Variants in ITGAL observed in about 807,000 individuals in gnomAD.
The protein encoded by ITGAL is integrin subunit alpha L, also known as integrin alpha-L.
In ITGAL, 68 loss-of-function variants were observed where a neutral mutation model predicts 138.4. The observed-to-expected ratio is 0.49, with a 90% CI of 0.40 to 0.60. ITGAL has a LOEUF of 0.60. ITGAL is among the 20% of genes least tolerant of loss of function. The pLI is 0.00. For missense variants in ITGAL, 1,256 were observed against 1,478.6 expected (o/e 0.85, Z 2.47); for synonymous variants, 561 against 584.3 (o/e 0.96, Z 0.57).
At chr16:30,495,488 C>T (rs1394048124) in intron 13 of ITGAL, among the ~76,000 whole-genome samples, 1 of 152,060 alleles carries the variant, frequency 6.6e-6, no homozygotes, top group African/African-American at 2.4e-5. Context: ...TAGATATGAC[C>T]TCCCTTTCCT....
intron 15 of ITGAL, 85 bp from the exon 16 acceptor site, chr16:30,498,989 T>C (rs988217873): frequency 2.0e-5 from 27 of 1,321,986 alleles, no homozygotes; most frequent in Non-Finnish European, 2.9e-5. Context: ...GAGAGTTCTC[T>C]GGCTTTGCTG....
At chr16:30,476,849 G>A (rs749126863) in intron 4 of ITGAL, among the ~76,000 whole-genome samples, 1 of 152,134 alleles carries the variant, frequency 6.6e-6, no homozygotes, top group Non-Finnish European at 1.5e-5. Context: ...GGCCAGGCTG[G>A]TCTCGTACTC....
intron 26 of ITGAL, among the ~76,000 whole-genome samples, 183 bp from the exon 27 acceptor site, chr16:30,517,466 A>G (rs2051183711): frequency 6.6e-6 from 1 of 151,532 alleles, no homozygotes; most frequent in African/African-American, 2.4e-5. Context: ...TCTAACAAAG[A>G]AAAAAAAATC....
intron 6 of ITGAL, among the ~76,000 whole-genome samples, chr16:30,480,327 T>C (rs1177316812): frequency 6.6e-6 from 1 of 152,184 alleles, no homozygotes; most frequent in African/African-American, 2.4e-5. Flanking sequence ...TTAGACCACA[T>C]AGACCTATGG....
rs376863030 is a variant in ITGAL at position 30,478,259 on chromosome 16, G to A, written c.328-832G>A. Reference sequence around the variant, plus strand: ...TGAGGCAGGAGAATCACTTGAACCCGGGAAGCAGAGGTTGCAGTGAGCCAA... The same window carrying A: ...TGAGGCAGGAGAATCACTTGAACCCAGGAAGCAGAGGTTGCAGTGAGCCAA... On this transcript the variant is annotated intron_variant, in intron 4 of 30. Coordinates refer to ENST00000356798, the MANE Select transcript of ITGAL (RefSeq NM_002209.3). 5.3e-5 allele frequency among the ~76,000 whole-genome samples: 8 copies of A among 151,200 alleles called. 1 individual carries two copies. Among genetic ancestry groups the A allele is most frequent in the Admixed American group, 6.6e-5 (1 of 15,132 alleles).
rs1442058036 is a variant in ITGAL at position 30,519,887 on chromosome 16, A to T, written c.3259A>T (p.Lys1087Ter). 1.2e-6 allele frequency: 2 copies of T among 1,613,706 alleles called. No individual in the cohort carries two copies. Among genetic ancestry groups the T allele is most frequent in the African/African-American group, 1.3e-5 (1 of 74,840 alleles). The change falls in exon 30 of 31, where the codon AAG becomes TAG. Residue 1087 changes from lysine (K) to a stop codon, truncating the protein, a stop_gained. Coordinates refer to ENST00000356798, the MANE Select transcript of ITGAL (RefSeq NM_002209.3). LOFTEE classifies it high-confidence loss of function. ...VVMKVDVVYEKQMLYLYVLSG... is the reference protein window; with the variant it reads ...VVMKVDVVYE Reference sequence around the variant, plus strand: ...CATGAAGGTTGACGTGGTGTATGAGAAGCAGATGCTCTACCTCTACGTGCT... The same window carrying T: ...CATGAAGGTTGACGTGGTGTATGAGTAGCAGATGCTCTACCTCTACGTGCT...
Position 30,510,895 on chromosome 16 carries a change from G to T in ITGAL, c.2634G>T (p.Met878Ile). The change falls in exon 23 of 31, where the codon ATG becomes ATT. Residue 878 changes from methionine to isoleucine, a missense_variant. Met to Ile is a conservative substitution (Grantham distance 10, BLOSUM62 1). This residue lies in a region of ITGAL where 867 missense variants were observed against 972.5 expected (regional missense o/e 0.89). Transcript: ENST00000356798. ...TTTCCTGCCAGGTTGCTCTGCAGATGATGTTTAATACACTGGTAAACAGCT... is the reference window on the plus strand; with the variant it reads ...TTTCCTGCCAGGTTGCTCTGCAGATTATGTTTAATACACTGGTAAACAGCT... ...FKAGHSVALQ[M>I]MFNTLVNSSW... is the part of the protein sequence containing the mutation. 1.2e-6 allele frequency: 2 copies of T among 1,614,044 alleles called. No individual in the cohort carries two copies. Among genetic ancestry groups the T allele is most frequent in the African/African-American group, 2.7e-5 (2 of 74,974 alleles).
intron 17 of ITGAL, among the ~76,000 whole-genome samples, chr16:30,501,536 C>T (rs948418354): frequency 1.3e-5 from 2 of 148,946 alleles, no homozygotes; most frequent in Admixed American, 6.7e-5. Flanking sequence ...GAGATCGTGC[C>T]ATTGCACTCC....
At chr16:30,506,949 A>G (rs1207544527) in intron 21 of ITGAL, 93 bp downstream of exon 21, 2 of 1,412,122 alleles carry the variant, frequency 1.4e-6, no homozygotes, top group Admixed American at 1.8e-5. Flanking sequence ...GCCTGAACAC[A>G]TGGGCAGCTG....
In ITGAL at chr16:30,499,341, G is replaced by A. The variant is rs200068830; in HGVS notation, c.1997G>A (p.Arg666His). The A allele has an allele frequency of 9.2e-5, 149 of 1,613,906 alleles. No individual in the cohort carries two copies. Among genetic ancestry groups the A allele is most frequent in the African/African-American group, 2.1e-4 (16 of 74,880 alleles). The change falls in exon 17 of 31, where the codon CGC becomes CAC. Residue 666 changes from arginine (R) to histidine (H), a missense_variant. Transcript: ENST00000356798. The part of the protein sequence containing the change: ...IKSLIPQFQG[R>H]LVANLTYTLQ... The stretch of plus-strand genomic sequence containing the variant: ...TTGCCTTTTCCGCCCTGCCCAGGCC[G>A]CCTGGTTGCCAATCTCACTTACACT...
chr16:30,508,655 A>G (rs1307282802), intron 21 of ITGAL, among the ~76,000 whole-genome samples: 1 of 152,072 alleles, frequency 6.6e-6, no homozygotes, highest in Admixed American at 6.6e-5. Flanking sequence ...GATCATGCCA[A>G]TGCACTCTAG....
At position 30,518,722 on chromosome 16, in the gene ITGAL, A is replaced by G; in HGVS notation, c.3228+3A>G. 1.9e-6 allele frequency: 3 copies of G among 1,605,542 alleles called. No homozygotes were observed. Among genetic ancestry groups the G allele is most frequent in the Non-Finnish European group, 2.6e-6 (3 of 1,172,280 alleles). On this transcript the variant is annotated splice_donor_region_variant and intron_variant, in intron 29 of 30. Transcript: ENST00000356798. ...GCAGCAACGCCTCCCTGGCCCAGGT[A>G]TCTCCACCTCCTTGGAAGCCCCAGG...
chr16:30,505,169 C>T, intron 18 of ITGAL, 75 bp from the exon 19 acceptor site: 1 of 1,401,406 alleles, frequency 7.1e-7, no homozygotes, highest in Non-Finnish European at 9.6e-7. Flanking sequence ...CCCTGCCCCT[C>T]CAGCTCTCCT....
chr16:30,498,951 T>G, intron 15 of ITGAL, 123 bp from the exon 16 acceptor site: 1 of 724,910 alleles, frequency 1.4e-6, no homozygotes. Flanking sequence ...GAGGAGACAG[T>G]GACATGTTGA....
At chr16:30,513,900 C>G (rs367953840) in intron 25 of ITGAL, 54 bp downstream of exon 25, 4 of 1,360,016 alleles carry the variant, frequency 2.9e-6, no homozygotes, top group Non-Finnish European at 4.2e-6. Context: ...TTCTTTATCC[C>G]GGGGACTGAG....
At position 30,521,568 on chromosome 16, in the gene ITGAL, ACT is replaced by A. The variant is rs772648502; in HGVS notation, c.3419_3420del (p.Ser1140Ter). 6.2e-7 allele frequency: 1 copy of A among 1,614,058 alleles called. No individual in the cohort carries two copies. The highest frequency in any genetic ancestry group is 1.1e-5 in the South Asian group (1 of 91,070). On this transcript the variant is annotated frameshift_variant, in exon 31 of 31. Transcript: ENST00000356798. LOFTEE classifies it low-confidence loss of function (END_TRUNC). Reference sequence around the variant, plus strand: ...GTCCCGAATGGAATCCCTGCAGAAGACTCTGAGCAGCTGGCATCTGGGCAAGA... The same window carrying A: ...GTCCCGAATGGAATCCCTGCAGAAGACTGAGCAGCTGGCATCTGGGCAAGA...
intron 24 of ITGAL, among the ~76,000 whole-genome samples, 156 bp downstream of exon 24, chr16:30,511,292 G>A (rs2051088114): frequency 1.3e-5 from 2 of 152,146 alleles, no homozygotes; most frequent in Non-Finnish European, 2.9e-5. Flanking sequence ...AACCCCAAAA[G>A]TTTTCAACAT....
chr16:30,503,932 C>A (rs2050944467), intron 17 of ITGAL: 1 of 364,304 alleles, frequency 2.7e-6, no homozygotes, highest in Non-Finnish European at 5.0e-6. Flanking sequence ...GGGAAAAGTG[C>A]TGGGATTGAT....
chr16:30,513,632 G>C (rs2051122528), intron 24 of ITGAL, 139 bp from the exon 25 acceptor site: 1 of 654,682 alleles, frequency 1.5e-6, no homozygotes, highest in Non-Finnish European at 2.7e-6. Context: ...TTAGTTTCTG[G>C]GAAAGAGCAG....
Sources: gnomAD v4.1 joint callset for allele counts (sites outside exome capture counted in the v4.1 genomes callset) on GRCh38, gnomAD v4.1.1 for gene constraint, gnomAD v4.1.1 regional missense constraint, MANE v1.5 for transcripts, NCBI Gene and HGNC (gene_info 2026-07-23, HGNC 2026-07-21) for gene names.